Variants in DDX10 observed in about 807,000 individuals in gnomAD.
DDX10 encodes the protein probable ATP-dependent RNA helicase DDX10.
In DDX10, 74 loss-of-function variants were observed where a neutral mutation model predicts 104.3. The observed-to-expected ratio is 0.71, with a 90% CI of 0.59 to 0.86. DDX10 has a LOEUF of 0.86. Ranked by LOEUF, DDX10 falls within the 40% of genes least tolerant of loss-of-function variation. The pLI is 0.00. For synonymous variants in DDX10, 351 were observed against 353.4 expected (o/e 0.99, Z 0.08); for missense variants, 952 against 1,040.0 (o/e 0.92, Z 1.16).
intron 16 of DDX10, among the ~76,000 whole-genome samples, chr11:108,891,898 T>A (rs2134640611): frequency 6.6e-6 from 1 of 152,178 alleles, no homozygotes; most frequent in Admixed American, 6.5e-5. Context: ...CCCCCTAAAA[T>A]TAGCAAAGAT....
intron 13 of DDX10, among the ~76,000 whole-genome samples, chr11:108,758,551 A>T (rs577050343): frequency 6.6e-6 from 1 of 152,152 alleles, no homozygotes; most frequent in East Asian, 1.9e-4. Flanking sequence ...ACTGGAGTAA[A>T]AGCAACGGGT....
At chr11:108,723,928 T>G (rs1412293171) in intron 13 of DDX10, among the ~76,000 whole-genome samples, 2 of 152,206 alleles carry the variant, frequency 1.3e-5, no homozygotes, top group African/African-American at 4.8e-5. Context: ...ATTGAACAGT[T>G]CTTTTTTAAA....
At chr11:108,831,334 G>A (rs1253207943) in intron 13 of DDX10, among the ~76,000 whole-genome samples, 1 of 150,690 alleles carries the variant, frequency 6.6e-6, no homozygotes, top group African/African-American at 2.4e-5. Context: ...AACCCAGGAA[G>A]CGGAGGTTGC....
intron 13 of DDX10, among the ~76,000 whole-genome samples, chr11:108,730,712 G>A (rs1337211410): frequency 6.6e-6 from 1 of 152,176 alleles, no homozygotes; most frequent in African/African-American, 2.4e-5. Flanking sequence ...ATATACTTAT[G>A]TAGGCCGAGC....
intron 17 of DDX10, among the ~76,000 whole-genome samples, chr11:108,939,919 G>A (rs1241775325): frequency 2.0e-5 from 3 of 152,150 alleles, no homozygotes; most frequent in African/African-American, 4.8e-5. Context: ...GTTTGGTGTG[G>A]CAGGACAAGC....
At chr11:108,884,899 T>C (rs1272176804) in intron 16 of DDX10, among the ~76,000 whole-genome samples, 2 of 152,342 alleles carry the variant, frequency 1.3e-5, no homozygotes, top group East Asian at 3.9e-4. Flanking sequence ...CACACGAATG[T>C]TTTGATAAGC....
At chr11:108,760,174 C>G (rs2094349072) in intron 13 of DDX10, among the ~76,000 whole-genome samples, 1 of 151,896 alleles carries the variant, frequency 6.6e-6, no homozygotes, top group Admixed American at 6.6e-5. Context: ...GATTCCCCCC[C>G]CACCCTTAGC....
At chr11:108,849,388 CTT>C (rs1475344024) in intron 15 of DDX10, among the ~76,000 whole-genome samples, 3 of 151,948 alleles carry the variant, frequency 2.0e-5, no homozygotes, top group Non-Finnish European at 4.4e-5. Flanking sequence ...AAAAATGAGT[CTT>C]ATTTTCAAAT....
At chr11:108,795,794 A>G (rs1212829105) in intron 13 of DDX10, among the ~76,000 whole-genome samples, 2 of 152,138 alleles carry the variant, frequency 1.3e-5, no homozygotes, top group East Asian at 1.9e-4. Flanking sequence ...TAGTGCCTCA[A>G]TAAACACGTG....
chr11:108,926,803 A>C (rs984358486), intron 17 of DDX10, among the ~76,000 whole-genome samples: 1 of 152,210 alleles, frequency 6.6e-6, no homozygotes, highest in African/African-American at 2.4e-5. Flanking sequence ...TGAATACCAA[A>C]GTGCCAGTAC....
chr11:108,847,813 C>T (rs1433740915), intron 15 of DDX10, among the ~76,000 whole-genome samples: 2 of 152,170 alleles, frequency 1.3e-5, no homozygotes, highest in Non-Finnish European at 2.9e-5. Context: ...TAATAATTAA[C>T]TTCTGAAATC....
intron 16 of DDX10, among the ~76,000 whole-genome samples, chr11:108,898,835 G>C (rs887155970): frequency 1.3e-5 from 2 of 152,120 alleles, no homozygotes; most frequent in African/African-American, 2.4e-5. Context: ...CCTGCTCACA[G>C]TGTCAAAAGA....
intron 9 of DDX10, among the ~76,000 whole-genome samples, chr11:108,694,809 A>AGGCGGAGGTTGCAGTG (rs1305840226): frequency 6.6e-6 from 1 of 152,142 alleles, no homozygotes; most frequent in African/African-American, 2.4e-5. Context: ...TGAACCCGGG[A>AGGCGGAGGTTGCAGTG]GGCGGAGGTT....
intron 13 of DDX10, among the ~76,000 whole-genome samples, chr11:108,797,891 A>G (rs1861967750): frequency 6.6e-6 from 1 of 152,156 alleles, no homozygotes; most frequent in African/African-American, 2.4e-5. Flanking sequence ...TTGCCCCTTT[A>G]TTTGCTTGTT....
chr11:108,796,252 G>A (rs1019512494), intron 13 of DDX10, among the ~76,000 whole-genome samples: 10 of 152,062 alleles, frequency 6.6e-5, no homozygotes, highest in African/African-American at 1.7e-4. Flanking sequence ...TTTTACTGAC[G>A]TTTCATAGAG....
chr11:108,829,901 A>G (rs375872135), intron 13 of DDX10, among the ~76,000 whole-genome samples: 2 of 152,138 alleles, frequency 1.3e-5, no homozygotes, highest in East Asian at 3.9e-4. Flanking sequence ...TGGGTTCTCT[A>G]TTCTGTTTAA....
At chr11:108,877,461 C>G (rs540954368) in intron 16 of DDX10, among the ~76,000 whole-genome samples, 120 of 152,244 alleles carry the variant, frequency 7.9e-4, no homozygotes, top group African/African-American at 2.3e-3. Context: ...ATATCCAAAT[C>G]TCAATCACAC....
chr11:108,731,676 A>G (rs1338209350), intron 13 of DDX10, among the ~76,000 whole-genome samples: 5 of 152,080 alleles, frequency 3.3e-5, no homozygotes, highest in Admixed American at 6.5e-5. Context: ...TTCTGGGATT[A>G]TAGGTATAAA....
At chr11:108,793,077 A>T (rs1165440241) in intron 13 of DDX10, among the ~76,000 whole-genome samples, 2 of 152,198 alleles carry the variant, frequency 1.3e-5, no homozygotes, top group Non-Finnish European at 2.9e-5. Context: ...TTAGAGCATT[A>T]AAGATATGCG....
Sources: gnomAD v4.1 joint callset for allele counts (sites outside exome capture counted in the v4.1 genomes callset) on GRCh38, gnomAD v4.1.1 for gene constraint, MANE v1.5 for transcripts, NCBI Gene and HGNC (gene_info 2026-07-23, HGNC 2026-07-21) for gene names.